Variants in BRINP3 observed in about 807,000 individuals in gnomAD.
BRINP3 encodes BMP/retinoic acid-inducible neural-specific protein 3.
BRINP3 carries 19 observed loss-of-function variants against 71.0 expected under a neutral mutation model. The observed-to-expected ratio is 0.27, with a 90% confidence interval of 0.19 to 0.39. The LOEUF (loss-of-function observed/expected upper bound fraction) is 0.39, where lower values mean the gene tolerates loss of function less well. BRINP3 is among the 10% of genes least tolerant of loss of function. The pLI, the probability that BRINP3 is intolerant of heterozygous loss-of-function variation, is 1.00. For synonymous variants in BRINP3, 380 were observed against 337.7 expected, an observed-to-expected ratio of 1.13 and a Z score of -1.37; for missense variants, 959 against 940.8, an observed-to-expected ratio of 1.02 and a Z score of -0.25.
intron 7 of BRINP3, among the ~76,000 whole-genome samples, chr1:190,134,442 A>G (rs1429968073): frequency 6.6e-6 from 1 of 152,090 alleles, no homozygotes; most frequent in African/African-American, 2.4e-5. Context: ...GGTAGAAAAA[A>G]ATAGGTTTTA....
intron 6 of BRINP3, among the ~76,000 whole-genome samples, chr1:190,181,104 T>A (rs181028667): frequency 6.6e-6 from 1 of 152,268 alleles, no homozygotes; most frequent in African/African-American, 2.4e-5. Flanking sequence ...CAATCGTTTT[T>A]ATCTTCATAA....
intron 1 of BRINP3, among the ~76,000 whole-genome samples, chr1:190,471,863 T>C (rs1393126740): frequency 1.3e-5 from 2 of 151,456 alleles, no homozygotes; most frequent in African/African-American, 4.8e-5. Context: ...ATACTATAAA[T>C]AACAACTAAT....
intron 4 of BRINP3, among the ~76,000 whole-genome samples, chr1:190,264,113 T>TTGACC (rs1448321084): frequency 2.6e-5 from 4 of 152,206 alleles, no homozygotes; most frequent in African/African-American, 4.8e-5. Flanking sequence ...TGAAATTACA[T>TTGACC]TGACCTAATT....
At chr1:190,226,472 A>G (rs1258750193) in intron 5 of BRINP3, among the ~76,000 whole-genome samples, 154 bp from the exon 6 acceptor site, 3 of 152,064 alleles carry the variant, frequency 2.0e-5, no homozygotes, top group Non-Finnish European at 4.4e-5. Flanking sequence ...CTAAGTCTAT[A>G]TGCTGCAAAT....
intron 4 of BRINP3, among the ~76,000 whole-genome samples, chr1:190,242,225 A>G (rs756057129): frequency 6.6e-6 from 1 of 152,182 alleles, no homozygotes; most frequent in South Asian, 2.1e-4. Context: ...TTTACAGTGT[A>G]TTTTGTGGGA....
At chr1:190,398,913 A>T (rs1047683024) in intron 2 of BRINP3, among the ~76,000 whole-genome samples, 1 of 151,874 alleles carries the variant, frequency 6.6e-6, no homozygotes, top group African/African-American at 2.4e-5. Context: ...TTTTTGATCC[A>T]TCTCTTCCCA....
chr1:190,180,588 T>C (rs1652943479), intron 6 of BRINP3, among the ~76,000 whole-genome samples: 1 of 152,058 alleles, frequency 6.6e-6, no homozygotes, highest in Admixed American at 6.6e-5. Flanking sequence ...CTCTCACAAG[T>C]AATAAAGTAG....
At chr1:190,388,062 C>T (rs1413544012) in intron 2 of BRINP3, among the ~76,000 whole-genome samples, 1 of 151,814 alleles carries the variant, frequency 6.6e-6, no homozygotes, top group Admixed American at 6.6e-5. Context: ...TAAATATAAG[C>T]CATTCCCCAG....
At chr1:190,268,946 A>G (rs1298732736) in intron 3 of BRINP3, among the ~76,000 whole-genome samples, 2 of 152,242 alleles carry the variant, frequency 1.3e-5, no homozygotes, top group East Asian at 1.9e-4. Flanking sequence ...TTATATTAAT[A>G]TTTTGTTTCC....
chr1:190,308,408 C>T (rs1290650963), intron 2 of BRINP3, among the ~76,000 whole-genome samples: 1 of 151,698 alleles, frequency 6.6e-6, no homozygotes, highest in African/African-American at 2.4e-5. Flanking sequence ...CCAGCTTCAT[C>T]CTTGTCTCCA....
At chr1:190,425,249 G>T (rs1031289381) in intron 2 of BRINP3, among the ~76,000 whole-genome samples, 6 of 151,628 alleles carry the variant, frequency 4.0e-5, no homozygotes, top group African/African-American at 1.4e-4. Flanking sequence ...TAAAATAATT[G>T]ATAAAGTTAG....
At chr1:190,198,717 C>T (rs1654719701) in intron 6 of BRINP3, among the ~76,000 whole-genome samples, 1 of 152,108 alleles carries the variant, frequency 6.6e-6, no homozygotes, top group South Asian at 2.1e-4. Context: ...TCTGAGACCA[C>T]CTCAGTCTCG....
chr1:190,337,687 G>A (rs1667380157), intron 2 of BRINP3, among the ~76,000 whole-genome samples: 1 of 152,040 alleles, frequency 6.6e-6, no homozygotes, highest in African/African-American at 2.4e-5. Flanking sequence ...TACTTTTGAG[G>A]TTTTGGGACT....
At chr1:190,376,304 T>C (rs768338525) in intron 2 of BRINP3, among the ~76,000 whole-genome samples, 2 of 152,024 alleles carry the variant, frequency 1.3e-5, no homozygotes, top group Non-Finnish European at 2.9e-5. Context: ...ATCTAGAACG[T>C]TCAATGCAGT....
At chr1:190,358,749 T>G (rs1413437984) in intron 2 of BRINP3, among the ~76,000 whole-genome samples, 1 of 152,166 alleles carries the variant, frequency 6.6e-6, no homozygotes. Context: ...TAGCAAAGAC[T>G]TCGGACCAAC....
chr1:190,398,266 T>C (rs912416699), intron 2 of BRINP3, among the ~76,000 whole-genome samples: 1 of 152,002 alleles, frequency 6.6e-6, no homozygotes, highest in South Asian at 2.1e-4. Flanking sequence ...AGATCATAAG[T>C]ATATTTAAAA....
intron 2 of BRINP3, among the ~76,000 whole-genome samples, chr1:190,392,454 G>T (rs1671311676): frequency 6.6e-6 from 1 of 151,504 alleles, no homozygotes; most frequent in Non-Finnish European, 1.5e-5. Flanking sequence ...AACTTGACTT[G>T]GTTACTCAGC....
Position 190,405,487 on chromosome 1 carries a change from AAAAAAC to A in BRINP3, c.236+49162_236+49167del, listed in dbSNP as rs1558256982. On this transcript the variant is annotated intron_variant, in intron 2 of 7. Coordinates refer to ENST00000367462, the MANE Select transcript of BRINP3 (RefSeq NM_199051.3). ...AAAAAAAAAAAAAAAAAAAAAAAAA[AAAAAAC>A]CAGAATCAGAAGCGTGACATATCAT... 3.4e-3 allele frequency among the ~76,000 whole-genome samples: 205 copies of A among 60,982 alleles called. 26 individuals are homozygous for A. Among genetic ancestry groups the A allele is most frequent in the South Asian group, 4.5e-3 (9 of 1,994 alleles). The allele number at this position is 60,982 out of a possible 152,430, so 40.0% of individuals were successfully genotyped here. A position where few individuals can be genotyped will look rare whatever the true frequency, so the allele number is the denominator to read the frequency against.
At chr1:190,141,950 C>A (rs965284497) in intron 7 of BRINP3, among the ~76,000 whole-genome samples, 2 of 151,414 alleles carry the variant, frequency 1.3e-5, no homozygotes, top group African/African-American at 2.4e-5. Context: ...AAAAAGATAT[C>A]GATTATGAAA....
Sources: allele counts gnomAD v4.1 joint callset (sites outside exome capture counted in the v4.1 genomes callset), GRCh38; gene constraint gnomAD v4.1.1; transcripts MANE v1.5; gene names NCBI Gene and HGNC (gene_info 2026-07-23, HGNC 2026-07-21).